Variants in SPAG11B observed in about 807,000 individuals in gnomAD.
SPAG11B encodes the protein sperm-associated antigen 11B.
SPAG11B carries 5 observed loss-of-function variants against 8.9 expected under a neutral mutation model. The observed-to-expected ratio is 0.56, with a 90% CI of 0.29 to 1.19. The LOEUF is 1.19. Among genes scored for constraint, SPAG11B ranks in the 50% most tolerant of loss-of-function variants. SPAG11B has a pLI of 0.08. For synonymous variants in SPAG11B, 12 were observed against 53.0 expected (o/e 0.23, Z 3.36); for missense variants, 38 against 146.4 (o/e 0.26, Z 3.82).
At chr8:7,452,141 A>G (rs1189223667) in intron 2 of SPAG11B, 1 of 50,794 alleles carries the variant, frequency 2.0e-5, no homozygotes, top group African/African-American at 9.8e-5. Flanking sequence ...TGAGCCCCAC[A>G]GTGGCCCACC....
At chr8:7,463,084 G>GT (rs1335283848) in intron 1 of SPAG11B, among the ~76,000 whole-genome samples, 2,936 of 121,408 alleles carry the variant, frequency 0.024, 59 homozygotes, top group African/African-American at 0.094. Context: ...TGTATGCCAT[G>GT]AATGGTGAGT....
intron 2 of SPAG11B, among the ~76,000 whole-genome samples, chr8:7,456,960 CA>C (rs1810479976): frequency 1.1e-5 from 1 of 93,906 alleles, no homozygotes; most frequent in African/African-American, 4.6e-5. Flanking sequence ...CCCTTGTCCA[CA>C]ACCCAGCACT....
chr8:7,462,667 CA>C, intron 2 of SPAG11B, 39 bp downstream of exon 2: 5 of 1,543,406 alleles, frequency 3.2e-6, no homozygotes, highest in Non-Finnish European at 4.5e-6. Flanking sequence ...TACGTCTCCC[CA>C]GTGGATGCAC....
At chr8:7,454,022 T>C (rs1377166821) in intron 2 of SPAG11B, among the ~76,000 whole-genome samples, 2 of 135,922 alleles carry the variant, frequency 1.5e-5, no homozygotes, top group East Asian at 2.1e-4. Flanking sequence ...AAGAAATCGA[T>C]TAAAATGTGA....
chr8:7,453,490 G>A (rs1251875642), intron 2 of SPAG11B, among the ~76,000 whole-genome samples: 1 of 146,852 alleles, frequency 6.8e-6, no homozygotes, highest in Middle Eastern at 3.3e-3. Context: ...CCATTTTTAT[G>A]TAAGCAATAG....
At chr8:7,451,226 A>G (rs1282340281) in intron 2 of SPAG11B, 2 of 1,492,768 alleles carry the variant, frequency 1.3e-6, no homozygotes, top group Non-Finnish European at 1.8e-6. Flanking sequence ...GGAGTTTTGG[A>G]AAACAGAAGT....
At chr8:7,453,547 C>A (rs1233414552) in intron 2 of SPAG11B, among the ~76,000 whole-genome samples, 3 of 148,766 alleles carry the variant, frequency 2.0e-5, no homozygotes, top group Non-Finnish European at 4.4e-5. Flanking sequence ...CTTGTTATAG[C>A]TTGCAGAGCC....
Position 7,453,250 on chromosome 8 carries a change from T to C in SPAG11B, c.215-2350A>G, listed in dbSNP as rs1373056985. Among the ~76,000 whole-genome samples, 4 of 143,586 alleles carry C rather than the reference T, an allele frequency of 2.8e-5. 1 individual carries two copies. The East Asian group carries it at 6.1e-4, about 22-fold the overall frequency. The allele number at this position is 143,586 out of a possible 152,430, so 94.2% of individuals were successfully genotyped here. A position where few individuals can be genotyped will look rare whatever the true frequency, so the allele number is the denominator to read the frequency against. ...TATTTTTGTGTGTGGGTTTATATAA[T>C]GTGTGGTATTAAAACACACAGTGGA... On this transcript the variant is annotated intron_variant, in intron 2 of 2. Coordinates refer to ENST00000398462, the MANE Select transcript of SPAG11B (RefSeq NM_058201.4).
At chr8:7,451,850 C>T (rs1230332950) in intron 2 of SPAG11B, among the ~76,000 whole-genome samples, 1 of 151,534 alleles carries the variant, frequency 6.6e-6, no homozygotes, top group Non-Finnish European at 1.5e-5. Flanking sequence ...TGAAGACCTA[C>T]TATGACCATA....
intron 2 of SPAG11B, among the ~76,000 whole-genome samples, chr8:7,454,146 G>A (rs1316512472): frequency 2.4e-5 from 3 of 125,158 alleles, no homozygotes; most frequent in African/African-American, 3.5e-5. Context: ...AGGGAAATTG[G>A]CTTCCACACC....
chr8:7,448,884 T>G (rs2128871110), downstream of SPAG11B, among the ~76,000 whole-genome samples: 1 of 144,414 alleles, frequency 6.9e-6, no homozygotes, highest in East Asian at 2.0e-4. Flanking sequence ...TAGGTACTAG[T>G]TTTTTACCAT....
At chr8:7,451,616 C>A (rs1410570183) in intron 2 of SPAG11B, among the ~76,000 whole-genome samples, 1 of 130,118 alleles carries the variant, frequency 7.7e-6, no homozygotes, top group Non-Finnish European at 1.6e-5. Context: ...ATCATCTCAG[C>A]CCTGTCACAG....
At chr8:7,453,581 A>C (rs1324318818) in intron 2 of SPAG11B, among the ~76,000 whole-genome samples, 3 of 149,240 alleles carry the variant, frequency 2.0e-5, no homozygotes, top group Non-Finnish European at 1.5e-5. Flanking sequence ...GATTAGACAC[A>C]TCATATTTTC....
intron 2 of SPAG11B, among the ~76,000 whole-genome samples, chr8:7,451,690 C>G (rs1810183108): frequency 8.2e-6 from 1 of 121,844 alleles, no homozygotes; most frequent in South Asian, 2.9e-4. Context: ...AGAAGAGCCC[C>G]CAGCCTGGAA....
intron 2 of SPAG11B, among the ~76,000 whole-genome samples, chr8:7,452,904 CAAG>C (rs1402215412): frequency 4.7e-4 from 66 of 140,946 alleles, no homozygotes; most frequent in African/African-American, 1.5e-3. Flanking sequence ...AATAGAAAAA[CAAG>C]AAGATGTGTA....
Position 7,451,119 on chromosome 8 carries a change from C to T in SPAG11B, c.215-219G>A, listed in dbSNP as rs780664593. ...GATGATAGGGTGTGTTTTATGAATG[C>T]TCACCTGGCCCATCTAGGCCCTAAA... On this transcript the variant is annotated intron_variant, in intron 2 of 2. Coordinates refer to ENST00000398462, the MANE Select transcript of SPAG11B (RefSeq NM_058201.4). 7 of 1,553,146 alleles carry T rather than the reference C, an allele frequency of 4.5e-6. 1 individual carries two copies. In the South Asian group the frequency reaches 5.6e-5, roughly 12 times the overall value.
At chr8:7,451,687 C>A (rs1391132227) in intron 2 of SPAG11B, among the ~76,000 whole-genome samples, 3 of 122,234 alleles carry the variant, frequency 2.5e-5, no homozygotes, top group African/African-American at 8.9e-5. Context: ...GACAGAAGAG[C>A]CCCCAGCCTG....
At chr8:7,453,745 C>G (rs1277196567) in intron 2 of SPAG11B, among the ~76,000 whole-genome samples, 1 of 147,906 alleles carries the variant, frequency 6.8e-6, no homozygotes, top group Non-Finnish European at 1.5e-5. Context: ...GAGGCAGGGG[C>G]TGGGTGTTCA....
rs1810058315 is a variant in SPAG11B at position 7,450,639 on chromosome 8, C to T, written c.*74G>A. 1 of 1,510,566 alleles carries T rather than the reference C, an allele frequency of 6.6e-7. No homozygotes were observed. The highest frequency in any genetic ancestry group is 8.8e-7 in the Non-Finnish European group (1 of 1,130,416). 93.6% of individuals were successfully genotyped at this position (1,510,566 alleles called of 1,614,324 possible). On this transcript the variant is annotated 3_prime_UTR_variant, in exon 3 of 3. Transcript: ENST00000398462. ...ATTCATTCAACAAATATTTATTGAACACCTACTATAAGCCACACATTCCTT... is the reference window on the plus strand; with the variant it reads ...ATTCATTCAACAAATATTTATTGAATACCTACTATAAGCCACACATTCCTT...
Sources: allele counts gnomAD v4.1 joint callset (sites outside exome capture counted in the v4.1 genomes callset), GRCh38; gene constraint gnomAD v4.1.1; transcripts MANE v1.5; gene names NCBI Gene and HGNC (gene_info 2026-07-23, HGNC 2026-07-21).